PMFBP1: variants seen among roughly 807,000 people sequenced by gnomAD.
PMFBP1 encodes the protein polyamine-modulated factor 1-binding protein 1.
Under a neutral mutation model 137.8 loss-of-function variants are expected in PMFBP1, and 131 were observed. The observed-to-expected ratio is 0.95, with a 90% CI of 0.82 to 1.10. The LOEUF is 1.10. Among genes scored for constraint, PMFBP1 ranks in the 50% least tolerant of loss-of-function variants. The pLI is 0.00. For synonymous variants in PMFBP1, 490 were observed against 450.4 expected (o/e 1.09, Z -1.11); for missense variants, 1,199 against 1,175.4 (o/e 1.02, Z -0.29).
chr16:72,187,112 CAA>C, the PMFBP1 span, among the ~76,000 whole-genome samples: 12 of 112,908 alleles, frequency 1.1e-4, no homozygotes, highest in Admixed American at 9.1e-5. Flanking sequence ...GACTCCATCT[CAA>C]AAAAAAAAAA....
intron 19 of PMFBP1, among the ~76,000 whole-genome samples, chr16:72,120,300 C>G (rs557433427): frequency 1.3e-5 from 2 of 150,270 alleles, no homozygotes; most frequent in East Asian, 3.9e-4. Context: ...GGACCAGGAG[C>G]TGGTACTCCT....
the PMFBP1 span, among the ~76,000 whole-genome samples, chr16:72,226,861 G>C: frequency 1.3e-5 from 2 of 152,052 alleles, no homozygotes; most frequent in Non-Finnish European, 2.9e-5. Flanking sequence ...GCAAAAATGA[G>C]CATAATAATG....
chr16:72,204,596 C>T, the PMFBP1 span, among the ~76,000 whole-genome samples: 1 of 152,186 alleles, frequency 6.6e-6, no homozygotes, highest in African/African-American at 2.4e-5. Flanking sequence ...TATGTCAACC[C>T]TGGTGTGCCT....
intron 3 of PMFBP1, 52 bp from the exon 4 acceptor site, chr16:72,154,511 G>A (rs764546903): frequency 2.1e-5 from 32 of 1,560,638 alleles, no homozygotes; most frequent in South Asian, 3.6e-5. Context: ...CACTAAGGAC[G>A]TATTCATTCC....
At chr16:72,153,218 T>C (rs946712009) in intron 4 of PMFBP1, among the ~76,000 whole-genome samples, 16 of 152,208 alleles carry the variant, frequency 1.1e-4, no homozygotes, top group Non-Finnish European at 2.1e-4. Context: ...TAGATTATAT[T>C]TGTAGGATTA....
At chr16:72,168,185 A>G (rs1316230248) in intron 2 of PMFBP1, among the ~76,000 whole-genome samples, 3 of 152,242 alleles carry the variant, frequency 2.0e-5, no homozygotes, top group Non-Finnish European at 4.4e-5. Context: ...ATGTCAAGTG[A>G]AATTTACTTT....
chr16:72,240,884 T>C, the PMFBP1 span, among the ~76,000 whole-genome samples: 1 of 152,038 alleles, frequency 6.6e-6, no homozygotes, highest in Non-Finnish European at 1.5e-5. Context: ...TTCCTTATTT[T>C]GCAATTGTGT....
chr16:72,173,512 T>C (rs1190781262), upstream of PMFBP1, among the ~76,000 whole-genome samples: 1 of 152,154 alleles, frequency 6.6e-6, no homozygotes, highest in Non-Finnish European at 1.5e-5. Flanking sequence ...AACATTTGCA[T>C]GAAAATATAT....
At chr16:72,236,677 A>G in the PMFBP1 span, among the ~76,000 whole-genome samples, 2 of 152,214 alleles carry the variant, frequency 1.3e-5, no homozygotes, top group African/African-American at 4.8e-5. Context: ...AAACAAAACG[A>G]TGATCAAACC....
intron 10 of PMFBP1, among the ~76,000 whole-genome samples, chr16:72,132,073 G>T (rs569545823): frequency 2.8e-4 from 42 of 152,230 alleles, no homozygotes; most frequent in African/African-American, 8.7e-4. Context: ...TTGAACTCCT[G>T]GGCTCAAGTG....
At chr16:72,177,839 T>C (rs1395353211), upstream of PMFBP1, among the ~76,000 whole-genome samples, 1 of 152,216 alleles carries the variant, frequency 6.6e-6, no homozygotes, top group East Asian at 1.9e-4. Flanking sequence ...TTGGACACTT[T>C]TAAACAGTAC....
At chr16:72,204,702 C>A in the PMFBP1 span, among the ~76,000 whole-genome samples, 2 of 152,086 alleles carry the variant, frequency 1.3e-5, no homozygotes, top group Non-Finnish European at 2.9e-5. Flanking sequence ...ACTTGATATA[C>A]CATTTTTTAT....
the PMFBP1 span, among the ~76,000 whole-genome samples, chr16:72,247,063 C>A: frequency 6.6e-6 from 1 of 152,116 alleles, no homozygotes; most frequent in African/African-American, 2.4e-5. Flanking sequence ...TTTACCTGTC[C>A]GATGAAGAGG....
At chr16:72,141,133 C>T (rs145679082) in intron 5 of PMFBP1, among the ~76,000 whole-genome samples, 3,557 of 151,992 alleles carry the variant, frequency 0.023, 125 homozygotes, top group African/African-American at 0.081. Flanking sequence ...GACAGGGTTT[C>T]GCCACATTGG....
chr16:72,212,482 GGAA>G, the PMFBP1 span, among the ~76,000 whole-genome samples: 1 of 136,510 alleles, frequency 7.3e-6, no homozygotes, highest in African/African-American at 2.9e-5. Context: ...GGGTTGTATT[GGAA>G]AAAAAAAAAA....
the PMFBP1 span, among the ~76,000 whole-genome samples, chr16:72,187,682 A>T: frequency 6.6e-6 from 1 of 152,224 alleles, no homozygotes; most frequent in Non-Finnish European, 1.5e-5. Flanking sequence ...CTTTCTGATG[A>T]ACAGTCATTT....
chr16:72,212,467 G>C, the PMFBP1 span, among the ~76,000 whole-genome samples: 1 of 146,772 alleles, frequency 6.8e-6, no homozygotes, highest in African/African-American at 2.6e-5. Context: ...TTTAAAATTT[G>C]TAACGGGTTG....
chr16:72,242,552 T>C, the PMFBP1 span, among the ~76,000 whole-genome samples: 1 of 152,210 alleles, frequency 6.6e-6, no homozygotes, highest in Non-Finnish European at 1.5e-5. Context: ...CTTTGGGTCT[T>C]GGTAAGAGGG....
the PMFBP1 span, among the ~76,000 whole-genome samples, chr16:72,204,871 T>G: frequency 6.6e-6 from 1 of 152,190 alleles, no homozygotes; most frequent in Admixed American, 6.5e-5. Flanking sequence ...ATTGAGCATT[T>G]GAAATGTGGC....
Sources: gnomAD v4.1 joint callset for allele counts (sites outside exome capture counted in the v4.1 genomes callset) on GRCh38, gnomAD v4.1.1 for gene constraint, MANE v1.5 for transcripts, NCBI Gene and HGNC (gene_info 2026-07-23, HGNC 2026-07-21) for gene names.